The following SLC35D1 variants were observed in gnomAD, a reference collection of about 807,000 sequenced individuals.
SLC35D1 encodes nucleotide sugar transporter SLC35D1.
A neutral mutation model predicts 46.7 loss-of-function variants in SLC35D1; 31 were observed. The ratio of observed to expected loss-of-function variants is 0.66; its 90% confidence interval spans 0.50 to 0.90. The LOEUF (loss-of-function observed/expected upper bound fraction) is 0.90. Among genes scored for constraint, SLC35D1 ranks in the 40% least tolerant of loss-of-function variants. The pLI is 0.00. For missense variants in SLC35D1, 397 were observed against 426.2 expected (o/e 0.93, Z 0.60); for synonymous variants, 195 against 164.6 (o/e 1.18, Z -1.41).
At chr1:67,013,429 T>A (rs1444144824) in intron 10 of SLC35D1, among the ~76,000 whole-genome samples, 4 of 151,604 alleles carry the variant, frequency 2.6e-5, no homozygotes, top group African/African-American at 9.7e-5. Flanking sequence ...GTCACAAGTG[T>A]CTGTAGTCCC....
chr1:67,018,231 T>C (rs1667725441), intron 10 of SLC35D1, among the ~76,000 whole-genome samples: 1 of 151,912 alleles, frequency 6.6e-6, no homozygotes, highest in East Asian at 1.9e-4. Context: ...AGGGAAAAAA[T>C]AAAATTAAGT....
At chr1:67,046,262 G>A (rs1017052394) in intron 7 of SLC35D1, among the ~76,000 whole-genome samples, 2 of 152,124 alleles carry the variant, frequency 1.3e-5, no homozygotes, top group Non-Finnish European at 2.9e-5. Context: ...CCCTGGCCAA[G>A]GCAAGATCAA....
chr1:66,997,615 G>A (rs1667256232), downstream of SLC35D1, among the ~76,000 whole-genome samples: 1 of 140,628 alleles, frequency 7.1e-6, no homozygotes, highest in Non-Finnish European at 1.5e-5. Context: ...AGATGTATCT[G>A]TATATATATG....
chr1:67,054,065 T>C lies in SLC35D1; in HGVS notation c.-52A>G. ...GGCGGGGCCTAGCGGCTCGGGGGCC[T>C]GCAGCGGCAGCTCCCAGGGGACTCC... is the stretch of plus-strand genomic sequence containing the variant. On this transcript the variant is annotated 5_prime_UTR_variant, in exon 1 of 12. Transcript: ENST00000235345. 2 of 1,580,070 alleles carry C rather than the reference T, an allele frequency of 1.3e-6. No homozygotes were observed. The highest frequency in any genetic ancestry group is 2.3e-5 in the East Asian group (1 of 44,358).
At chr1:67,018,880 A>G (rs11208989) in intron 10 of SLC35D1, among the ~76,000 whole-genome samples, 29,003 of 152,144 alleles carry the variant, frequency 0.19, 5,071 homozygotes, top group African/African-American at 0.47. Context: ...ATCTGTCTGC[A>G]TGTGCAAGCC....
the SLC35D1 span, among the ~76,000 whole-genome samples, chr1:66,990,354 A>G: frequency 6.6e-6 from 1 of 152,138 alleles, no homozygotes; most frequent in Non-Finnish European, 1.5e-5. Flanking sequence ...TGCTCACTGC[A>G]GCCTCAACCT....
chr1:67,046,284 T>C (rs1203242225), intron 7 of SLC35D1, among the ~76,000 whole-genome samples: 1 of 152,174 alleles, frequency 6.6e-6, no homozygotes, highest in East Asian at 1.9e-4. Flanking sequence ...TCAATACTAA[T>C]AGTACTATCA....
intron 8 of SLC35D1, among the ~76,000 whole-genome samples, chr1:67,031,472 G>A (rs1668016042): frequency 6.6e-6 from 1 of 151,970 alleles, no homozygotes; most frequent in Non-Finnish European, 1.5e-5. Context: ...GAAACATTCA[G>A]TAACTTTTCC....
the SLC35D1 span, among the ~76,000 whole-genome samples, chr1:66,976,968 G>A: frequency 1.3e-5 from 2 of 152,086 alleles, no homozygotes; most frequent in African/African-American, 4.8e-5. Flanking sequence ...TTCATATTAT[G>A]TATGAGACAA....
intron 11 of SLC35D1, chr1:67,008,458 C>T (rs1305027945): frequency 3.9e-6 from 5 of 1,285,406 alleles, no homozygotes; most frequent in Admixed American, 4.7e-5. Context: ...CTGGGAGACA[C>T]CAGAAAAAAA....
chr1:67,047,814 G>T (rs1389134795), intron 6 of SLC35D1, among the ~76,000 whole-genome samples: 2 of 152,114 alleles, frequency 1.3e-5, no homozygotes, highest in Non-Finnish European at 2.9e-5. Context: ...GGGCCCCTGG[G>T]TGAAATTTCT....
Position 67,000,026 on chromosome 1 carries a change from T to G in SLC35D1, c.*4314A>C, listed in dbSNP as rs779883582. 1 of 151,934 alleles carries G rather than the reference T, an allele frequency of 6.6e-6. No individual in the cohort carries two copies. Among genetic ancestry groups the G allele is most frequent in the Non-Finnish European group, 1.5e-5 (1 of 68,024 alleles). The allele number at this position is 151,934 out of a possible 1,614,324, so 9.4% of individuals were successfully genotyped here. A position where few individuals can be genotyped will look rare whatever the true frequency, so the allele number is the denominator to read the frequency against. On this transcript the variant is annotated 3_prime_UTR_variant, in exon 12 of 12. Transcript: ENST00000235345. ...GGCACACACCTGTAATCCCAGCACT[T>G]TGGGAGGCTGAGACAGAAGGGTTAC...
At chr1:66,993,614 G>A in the SLC35D1 span, among the ~76,000 whole-genome samples, 6 of 152,100 alleles carry the variant, frequency 3.9e-5, no homozygotes, top group African/African-American at 7.2e-5. Flanking sequence ...GAAAAAGATA[G>A]GCTTTACAGA....
At chr1:67,040,097 C>T (rs2815373) in intron 8 of SLC35D1, among the ~76,000 whole-genome samples, 118,118 of 151,484 alleles carry the variant, frequency 0.78, 46,358 homozygotes, top group South Asian at 0.88. Context: ...TGGGCTCAAG[C>T]GATCCTCCCA....
chr1:66,982,835 G>C, the SLC35D1 span, among the ~76,000 whole-genome samples: 2 of 152,152 alleles, frequency 1.3e-5, no homozygotes, highest in African/African-American at 4.8e-5. Flanking sequence ...ACAAAACTTA[G>C]GGCCCAGTAA....
At chr1:67,026,630 C>T (rs182773918) in intron 8 of SLC35D1, among the ~76,000 whole-genome samples, 22 of 152,196 alleles carry the variant, frequency 1.4e-4, no homozygotes, top group African/African-American at 4.8e-4. Context: ...ATTTCTTTAA[C>T]ATAAATAGGG....
chr1:66,986,033 A>G, the SLC35D1 span: 1 of 995,858 alleles, frequency 1.0e-6, no homozygotes, highest in South Asian at 4.6e-5. Context: ...AAAATTTCCC[A>G]TTTCTGCATT....
chr1:67,025,398 T>C (rs1415093136), intron 8 of SLC35D1, among the ~76,000 whole-genome samples: 1 of 152,236 alleles, frequency 6.6e-6, no homozygotes, highest in African/African-American at 2.4e-5. Context: ...ACATGGTATA[T>C]TTCTATTTCT....
rs183910798 is a variant in SLC35D1, at chr1:67,044,943, C to T, written c.636+2322G>A. Among the ~76,000 whole-genome samples the T allele has an allele frequency of 2.5e-3, 383 of 152,266 alleles. 1 individual carries two copies. The highest frequency in any genetic ancestry group is 4.5e-3 in the Non-Finnish European group (303 of 68,020). The stretch of plus-strand genomic sequence containing the variant: ...AAAGCACCTCAGCATGGCCGTACTG[C>T]CTTACTGCCTCTGGGATAAACCAAG... On this transcript the variant is annotated intron_variant, in intron 7 of 11. Transcript: ENST00000235345.
Sources: gnomAD v4.1 joint callset for allele counts (sites outside exome capture counted in the v4.1 genomes callset) on GRCh38, gnomAD v4.1.1 for gene constraint, MANE v1.5 for transcripts, NCBI Gene and HGNC (gene_info 2026-07-23, HGNC 2026-07-21) for gene names.